The following NCKAP5 variants were observed in gnomAD, a reference collection of about 807,000 sequenced individuals.
NCKAP5 encodes NCK associated protein 5, also known as nck-associated protein 5.
Under a neutral mutation model 167.0 loss-of-function variants are expected in NCKAP5, and 92 were observed. The ratio of observed to expected loss-of-function variants is 0.55; its 90% CI spans 0.47 to 0.66. The LOEUF is 0.66. NCKAP5 is among the 30% of genes least tolerant of loss of function. NCKAP5 has a pLI of 0.00. For missense variants in NCKAP5, 2,378 were observed against 2,315.0 expected, an observed-to-expected ratio of 1.03 and a Z score of -0.56; for synonymous variants, 891 against 877.4, an observed-to-expected ratio of 1.02 and a Z score of -0.27.
At chr2:132,709,153 C>CT (rs1688625939) in intron 19 of NCKAP5, among the ~76,000 whole-genome samples, 1 of 143,350 alleles carries the variant, frequency 7.0e-6, no homozygotes, top group Non-Finnish European at 1.5e-5. Flanking sequence ...CTACACCCCC[C>CT]CACCAAACCA....
intron 4 of NCKAP5, among the ~76,000 whole-genome samples, chr2:133,273,552 T>C (rs1237466664): frequency 1.3e-5 from 2 of 151,608 alleles, no homozygotes; most frequent in Non-Finnish European, 2.9e-5. Context: ...AGGGGAAAAC[T>C]AGGGGAAGGG....
chr2:133,614,214 A>G, the NCKAP5 span, among the ~76,000 whole-genome samples: 1 of 152,164 alleles, frequency 6.6e-6, no homozygotes, highest in Admixed American at 6.5e-5. Flanking sequence ...GTCTGGGGCA[A>G]GTTCTCAGCC....
intron 7 of NCKAP5, among the ~76,000 whole-genome samples, chr2:132,992,144 G>A (rs966179295): frequency 6.6e-6 from 1 of 152,172 alleles, no homozygotes; most frequent in Non-Finnish European, 1.5e-5. Context: ...CAGATAAGGA[G>A]CCTGAGGCCA....
At chr2:132,938,679 C>G (rs1697038928) in intron 8 of NCKAP5, among the ~76,000 whole-genome samples, 1 of 152,124 alleles carries the variant, frequency 6.6e-6, no homozygotes, top group Non-Finnish European at 1.5e-5. Context: ...CTATGGATCC[C>G]CCTCAGCTCA....
intron 3 of NCKAP5, among the ~76,000 whole-genome samples, chr2:133,332,869 G>T (rs905079269): frequency 6.6e-6 from 1 of 152,226 alleles, no homozygotes; most frequent in Non-Finnish European, 1.5e-5. Context: ...AATACCCAAT[G>T]CAGGGTTAGA....
intron 5 of NCKAP5, among the ~76,000 whole-genome samples, chr2:133,191,429 A>G (rs533242536): frequency 6.6e-6 from 1 of 152,250 alleles, no homozygotes; most frequent in South Asian, 2.1e-4. Context: ...CTGGGTGTAT[A>G]CCCAAAGGAC....
At chr2:133,616,230 C>A in the NCKAP5 span, among the ~76,000 whole-genome samples, 1 of 146,356 alleles carries the variant, frequency 6.8e-6, no homozygotes, top group East Asian at 2.0e-4. Flanking sequence ...CCTAACATCA[C>A]AATTAAAAGA....
chr2:133,088,777 G>A (rs1236606810), intron 6 of NCKAP5, among the ~76,000 whole-genome samples: 3 of 152,104 alleles, frequency 2.0e-5, no homozygotes, highest in Non-Finnish European at 1.5e-5. Flanking sequence ...GTAATAAAAC[G>A]ATATGTACAG....
At chr2:133,147,150 G>A (rs1356602079) in intron 5 of NCKAP5, among the ~76,000 whole-genome samples, 1 of 152,150 alleles carries the variant, frequency 6.6e-6, no homozygotes, top group African/African-American at 2.4e-5. Flanking sequence ...TCTGGTTGTA[G>A]TTGTAGAGTA....
chr2:133,092,448 T>C (rs1002815744), intron 6 of NCKAP5, among the ~76,000 whole-genome samples: 2 of 152,180 alleles, frequency 1.3e-5, no homozygotes, highest in African/African-American at 2.4e-5. Context: ...AGCACCTTGA[T>C]TGAAGCCATC....
intron 6 of NCKAP5, among the ~76,000 whole-genome samples, chr2:133,049,073 G>A (rs373089661): frequency 3.3e-5 from 5 of 152,308 alleles, no homozygotes; most frequent in African/African-American, 1.2e-4. Flanking sequence ...CATCTGAAGT[G>A]TAAAGAGACA....
At chr2:132,889,930 A>C (rs747311671) in intron 8 of NCKAP5, among the ~76,000 whole-genome samples, 3 of 152,198 alleles carry the variant, frequency 2.0e-5, no homozygotes, top group African/African-American at 7.2e-5. Context: ...AAGAAGGTGG[A>C]AAGAAGATGT....
At chr2:133,427,267 A>G (rs144354287) in intron 3 of NCKAP5, among the ~76,000 whole-genome samples, 1 of 152,232 alleles carries the variant, frequency 6.6e-6, no homozygotes, top group African/African-American at 2.4e-5. Flanking sequence ...TTGAAAAATG[A>G]TAAGACTATG....
At chr2:132,843,954 T>C (rs1013468219) in intron 11 of NCKAP5, among the ~76,000 whole-genome samples, 6 of 152,112 alleles carry the variant, frequency 3.9e-5, no homozygotes, top group Non-Finnish European at 8.8e-5. Flanking sequence ...CCCAATCTGG[T>C]AGGTTGTGAC....
At chr2:133,406,232 C>T (rs537016641) in intron 3 of NCKAP5, among the ~76,000 whole-genome samples, 12 of 152,244 alleles carry the variant, frequency 7.9e-5, no homozygotes, top group Admixed American at 2.6e-4. Context: ...CTTAACTACC[C>T]GAATAAAGAC....
At chr2:133,389,620 G>A (rs1687254485) in intron 3 of NCKAP5, among the ~76,000 whole-genome samples, 1 of 152,324 alleles carries the variant, frequency 6.6e-6, no homozygotes, top group South Asian at 2.1e-4. Context: ...ATAATTAACT[G>A]TACTAAACGA....
rs1269074280 is a variant in NCKAP5, at chr2:132,741,809, T to A, written c.5129-9758A>T. On this transcript the variant is annotated intron_variant, in intron 16 of 19. Transcript: ENST00000409261. ...ATCTATCCACCTTTTCGCACTGTTA[T>A]CCTTGCCCATTCTCTAACAAAATTA... Among the ~76,000 whole-genome samples the A allele has an allele frequency of 2.6e-5, 4 of 152,112 alleles. No homozygotes were observed. The South Asian group carries it at 8.3e-4, about 31-fold the overall frequency.
At chr2:133,053,919 ATAATT>A (rs955892086) in intron 6 of NCKAP5, among the ~76,000 whole-genome samples, 3 of 152,240 alleles carry the variant, frequency 2.0e-5, no homozygotes, top group Non-Finnish European at 4.4e-5. Context: ...GAAATCATAT[ATAATT>A]TAACTTCAAA....
chr2:132,889,378 T>C (rs1387877298), intron 8 of NCKAP5, among the ~76,000 whole-genome samples: 2 of 152,220 alleles, frequency 1.3e-5, no homozygotes, highest in Admixed American at 1.3e-4. Context: ...TCAATTCTTT[T>C]ATGTGTACAT....
Sources: gnomAD v4.1 joint callset for allele counts (sites outside exome capture counted in the v4.1 genomes callset) on GRCh38, gnomAD v4.1.1 for gene constraint, MANE v1.5 for transcripts, NCBI Gene and HGNC (gene_info 2026-07-23, HGNC 2026-07-21) for gene names.